The following CCBE1 variants were observed in gnomAD, a reference collection of about 807,000 sequenced individuals.
CCBE1 encodes the protein collagen and calcium-binding EGF domain-containing protein 1.
CCBE1 carries 37 observed loss-of-function variants against 50.0 expected under a neutral mutation model. That is an observed-to-expected ratio of 0.74 (90% confidence interval 0.57 to 0.97). The LOEUF (loss-of-function observed/expected upper bound fraction) is 0.97. Ranked by LOEUF, CCBE1 falls within the 50% of genes least tolerant of loss-of-function variation. The probability of loss-of-function intolerance (pLI) is 0.00; values close to 1 mark genes in which losing one functional copy is unlikely to be tolerated. For synonymous variants in CCBE1, 234 were observed against 203.7 expected (o/e 1.15, Z -1.27); for missense variants, 538 against 523.8 (o/e 1.03, Z -0.26).
intron 2 of CCBE1, among the ~76,000 whole-genome samples, chr18:59,682,953 G>C (rs886145383): frequency 6.6e-6 from 1 of 152,246 alleles, no homozygotes; most frequent in Admixed American, 6.5e-5. Context: ...GAACTACAGA[G>C]TGGAGCTTTC....
At position 59,664,723 on chromosome 18, in the gene CCBE1, T is replaced by C. The variant is rs558133179; in HGVS notation, c.212+31906A>G. Among the ~76,000 whole-genome samples, 4 of 152,202 alleles carry C rather than the reference T, an allele frequency of 2.6e-5. No individual in the cohort carries two copies. In the East Asian group the frequency reaches 5.8e-4, roughly 22 times the overall value. ...AACATGAGAGTCAGAAGGAAGACAA[T>C]TCAGAGGCTGAGACCAGAGGGCATT... On this transcript the variant is annotated intron_variant, in intron 2 of 10. Coordinates refer to ENST00000439986, the MANE Select transcript of CCBE1 (RefSeq NM_133459.4).
intron 6 of CCBE1, 73 bp from the exon 7 acceptor site, chr18:59,448,176 G>A: frequency 1.5e-5 from 24 of 1,601,320 alleles, no homozygotes; most frequent in Non-Finnish European, 2.0e-5. Context: ...CTTGGTGGGA[G>A]AAGCTGCAAA....
chr18:59,520,613 C>T (rs7236861), intron 2 of CCBE1, among the ~76,000 whole-genome samples: 19,892 of 152,128 alleles, frequency 0.13, 3,202 homozygotes, highest in African/African-American at 0.38. Context: ...CTCATGTGCG[C>T]CTGCACACAC....
chr18:59,567,876 C>T (rs761321893), intron 2 of CCBE1, among the ~76,000 whole-genome samples: 2 of 152,224 alleles, frequency 1.3e-5, no homozygotes, highest in Non-Finnish European at 2.9e-5. Context: ...TCAGCAGACA[C>T]ATATCACATA....
At chr18:59,444,166 T>C (rs1446080904) in intron 7 of CCBE1, among the ~76,000 whole-genome samples, 1 of 152,252 alleles carries the variant, frequency 6.6e-6, no homozygotes, top group Non-Finnish European at 1.5e-5. Flanking sequence ...GTTATATCCA[T>C]TGATGGACAC....
intron 2 of CCBE1, 52 bp from the exon 3 acceptor site, chr18:59,480,290 T>G: frequency 7.5e-7 from 1 of 1,334,224 alleles, no homozygotes; most frequent in Non-Finnish European, 1.1e-6. Context: ...AAAATAAAAT[T>G]CTTTCCAGTT....
intron 3 of CCBE1, among the ~76,000 whole-genome samples, chr18:59,469,982 AC>A (rs1418127505): frequency 1.3e-5 from 2 of 152,170 alleles, no homozygotes; most frequent in Non-Finnish European, 2.9e-5. Context: ...CCAGCAGAAT[AC>A]TAAACAAAGG....
At chr18:59,614,290 G>A (rs983389212) in intron 2 of CCBE1, among the ~76,000 whole-genome samples, 5 of 152,118 alleles carry the variant, frequency 3.3e-5, no homozygotes, top group South Asian at 2.1e-4. Context: ...ATGAGCCATC[G>A]TGCCTGGTTC....
chr18:59,550,068 G>T (rs1159639729), intron 2 of CCBE1, among the ~76,000 whole-genome samples: 1 of 152,140 alleles, frequency 6.6e-6, no homozygotes, highest in Non-Finnish European at 1.5e-5. Context: ...GTCCAATCCG[G>T]TTTGCTTTGT....
intron 2 of CCBE1, among the ~76,000 whole-genome samples, chr18:59,552,762 C>CTCTA (rs1915974670): frequency 6.6e-6 from 1 of 152,178 alleles, no homozygotes; most frequent in African/African-American, 2.4e-5. Context: ...TCACTTGCCT[C>CTCTA]TCTAGTGAAA....
intron 2 of CCBE1, among the ~76,000 whole-genome samples, chr18:59,572,418 GGTT>G (rs2052927651): frequency 1.3e-5 from 2 of 152,028 alleles, no homozygotes; most frequent in East Asian, 3.9e-4. Flanking sequence ...ATATCATATG[GGTT>G]TTTTATAACA....
At chr18:59,695,389 C>T (rs750483720) in intron 2 of CCBE1, among the ~76,000 whole-genome samples, 1 of 152,182 alleles carries the variant, frequency 6.6e-6, no homozygotes, top group African/African-American at 2.4e-5. Context: ...TGAACATACT[C>T]CTTTCTCCTC....
intron 2 of CCBE1, among the ~76,000 whole-genome samples, chr18:59,495,231 T>C (rs1256795347): frequency 6.6e-6 from 1 of 151,858 alleles, no homozygotes; most frequent in Non-Finnish European, 1.5e-5. Flanking sequence ...GAAAAAAAAA[T>C]AGCCATTCAT....
At chr18:59,603,911 G>A (rs1046870556) in intron 2 of CCBE1, among the ~76,000 whole-genome samples, 6 of 152,194 alleles carry the variant, frequency 3.9e-5, no homozygotes, top group African/African-American at 9.7e-5. Flanking sequence ...TCAACCTCTC[G>A]ATGACTCTGT....
At chr18:59,687,811 A>G (rs1475760184) in intron 2 of CCBE1, among the ~76,000 whole-genome samples, 4 of 152,136 alleles carry the variant, frequency 2.6e-5, no homozygotes, top group Non-Finnish European at 5.9e-5. Flanking sequence ...ATACAAAAAA[A>G]TTAGCTGGGC....
intron 2 of CCBE1, among the ~76,000 whole-genome samples, chr18:59,562,089 G>C (rs929293535): frequency 6.6e-6 from 1 of 152,108 alleles, no homozygotes; most frequent in Non-Finnish European, 1.5e-5. Flanking sequence ...TTGTAAACTT[G>C]AGTTATTTAT....
chr18:59,659,087 T>C (rs1427443875), intron 2 of CCBE1, among the ~76,000 whole-genome samples: 1 of 152,136 alleles, frequency 6.6e-6, no homozygotes, highest in Non-Finnish European at 1.5e-5. Flanking sequence ...TGCCACGCGT[T>C]CCTTTGCACG....
At chr18:59,673,342 T>C (rs768869924) in intron 2 of CCBE1, among the ~76,000 whole-genome samples, 1 of 152,096 alleles carries the variant, frequency 6.6e-6, no homozygotes, top group Non-Finnish European at 1.5e-5. Flanking sequence ...TACCAGCTAC[T>C]TGGGAAGCTG....
At chr18:59,535,444 T>A (rs1348893190) in intron 2 of CCBE1, among the ~76,000 whole-genome samples, 1 of 152,304 alleles carries the variant, frequency 6.6e-6, no homozygotes, top group Non-Finnish European at 1.5e-5. Context: ...CATACTCTGC[T>A]GTTGCAAGTG....
Sources: gnomAD v4.1 joint callset for allele counts (sites outside exome capture counted in the v4.1 genomes callset) on GRCh38, gnomAD v4.1.1 for gene constraint, MANE v1.5 for transcripts, NCBI Gene and HGNC (gene_info 2026-07-23, HGNC 2026-07-21) for gene names.